TMEM164: variants seen among roughly 807,000 people sequenced by gnomAD.
TMEM164 encodes the protein transmembrane protein 164.
A neutral mutation model predicts 18.8 loss-of-function variants in TMEM164; 4 were observed. The observed-to-expected ratio is 0.21, with a 90% CI of 0.10 to 0.49. The LOEUF (loss-of-function observed/expected upper bound fraction) is 0.49. TMEM164 is among the 20% of genes least tolerant of loss of function. TMEM164 has a pLI of 0.98. For missense variants in TMEM164, 108 were observed against 239.9 expected (o/e 0.45, Z 3.63); for synonymous variants, 86 against 101.7 (o/e 0.85, Z 0.93).
intron 3 of TMEM164, among the ~76,000 whole-genome samples, chrX:110,107,615 T>C (rs1464321128): frequency 9.1e-6 from 1 of 109,939 alleles, no homozygotes; most frequent in Non-Finnish European, 1.9e-5. Flanking sequence ...CATCTTTCAG[T>C]CTGTCTCCCT....
intron 4 of TMEM164, among the ~76,000 whole-genome samples, chrX:110,142,763 C>T (rs1179831948): frequency 2.6e-5 from 3 of 113,488 alleles, no homozygotes; most frequent in Admixed American, 9.2e-5. Context: ...GGCCACAGAG[C>T]TACCGAGCAG....
At position 110,052,540 on chromosome X, in the gene TMEM164, A is replaced by G. The variant is rs779103116; in HGVS notation, c.391-14807A>G. On this transcript the variant is annotated intron_variant, in intron 2 of 6. Transcript: ENST00000372068. Reference sequence around the variant, plus strand: ...TGGAGACATCTTGTTTCATTTATTCATTCAGCAAGTACCTGATGAGCATCT... The same window carrying G: ...TGGAGACATCTTGTTTCATTTATTCGTTCAGCAAGTACCTGATGAGCATCT... Among the ~76,000 whole-genome samples the G allele has an allele frequency of 4.2e-3, 469 of 111,509 alleles. 5 individuals carry two copies. The highest frequency in any genetic ancestry group is 0.014 in the African/African-American group (444 of 30,703).
At chrX:110,078,960 C>T (rs1007672805) in intron 3 of TMEM164, among the ~76,000 whole-genome samples, 13 of 112,121 alleles carry the variant, frequency 1.2e-4, no homozygotes, top group African/African-American at 3.9e-4. Flanking sequence ...CCGTGAACGT[C>T]AATTTAATTC....
chrX:110,134,234 C>G (rs1317828076), intron 4 of TMEM164, among the ~76,000 whole-genome samples: 2 of 111,106 alleles, frequency 1.8e-5, no homozygotes, highest in African/African-American at 6.6e-5. Flanking sequence ...TCAGGAGTAG[C>G]CCTGATAGGG....
At chrX:110,153,558 C>G (rs1266844451) in intron 5 of TMEM164, among the ~76,000 whole-genome samples, 1 of 111,630 alleles carries the variant, frequency 9.0e-6, no homozygotes, top group African/African-American at 3.3e-5. Flanking sequence ...ACAGTCATCT[C>G]TCGGTATCCA....
chrX:110,137,370 A>T (rs1477935755), intron 4 of TMEM164, among the ~76,000 whole-genome samples: 1 of 111,537 alleles, frequency 9.0e-6, no homozygotes, highest in Admixed American at 9.5e-5. Flanking sequence ...CCTGTGAGTC[A>T]TCTTCAACTT....
chrX:110,123,462 C>T (rs2066480411), intron 4 of TMEM164, among the ~76,000 whole-genome samples: 1 of 111,466 alleles, frequency 9.0e-6, no homozygotes, highest in African/African-American at 3.3e-5. Context: ...ATGATAAGGC[C>T]CAGGGGGATT....
At chrX:110,004,451 C>T (rs994794401) in intron 2 of TMEM164, among the ~76,000 whole-genome samples, 3 of 111,018 alleles carry the variant, frequency 2.7e-5, no homozygotes, top group African/African-American at 9.8e-5. Context: ...CCCTGCCGTG[C>T]CCTGGGCTTT....
At chrX:110,074,654 G>A (rs1245329846) in intron 3 of TMEM164, among the ~76,000 whole-genome samples, 1 of 111,706 alleles carries the variant, frequency 9.0e-6, no homozygotes, top group Non-Finnish European at 1.9e-5. Context: ...AGGAAGGAGT[G>A]CAGTTTCATT....
rs776324539 is a variant in TMEM164 at position 110,079,342 on chromosome X, A to G, written c.440+11946A>G. Among the ~76,000 whole-genome samples, 3 of 111,992 alleles carry G rather than the reference A, an allele frequency of 2.7e-5. No individual in the cohort carries two copies. The South Asian group carries it at 1.1e-3, about 41-fold the overall frequency. On this transcript the variant is annotated intron_variant, in intron 3 of 6. Coordinates refer to ENST00000372068, the MANE Select transcript of TMEM164 (RefSeq NM_032227.4). The stretch of plus-strand genomic sequence containing the variant: ...AGGTGTTATTGTCCTTTGACTCTCG[A>G]AAAAATCAACAAGCAAAATGTGTTG...
chrX:110,017,444 T>TTCTTTCTTTTTTTCTTTCTTTCTTTCTC (rs1182465665), intron 2 of TMEM164, among the ~76,000 whole-genome samples: 1 of 43,016 alleles, frequency 2.3e-5, no homozygotes, highest in Non-Finnish European at 4.3e-5. Context: ...CTTTCTTTCT[T>TTCTTTCTTTTTTTCTTTCTTTCTTTCTC]TCTCTCTCTC....
At chrX:110,098,264 G>T (rs1000000065) in intron 3 of TMEM164, among the ~76,000 whole-genome samples, 1 of 111,415 alleles carries the variant, frequency 9.0e-6, no homozygotes, top group Non-Finnish European at 1.9e-5. Context: ...TTTCTGAGTG[G>T]TTTTCCATGG....
chrX:110,058,749 C>G (rs1303181377), intron 2 of TMEM164, among the ~76,000 whole-genome samples: 7 of 106,029 alleles, frequency 6.6e-5, no homozygotes, highest in African/African-American at 2.1e-4. Context: ...TCCCAAGTAG[C>G]TGGGATTACA....
intron 2 of TMEM164, among the ~76,000 whole-genome samples, chrX:110,029,619 T>C (rs1201778287): frequency 8.9e-6 from 1 of 112,229 alleles, no homozygotes; most frequent in Non-Finnish European, 1.9e-5. Flanking sequence ...CCCCCTTTTA[T>C]TAGATTTTCG....
At chrX:110,095,946 C>T (rs1221496982) in intron 3 of TMEM164, among the ~76,000 whole-genome samples, 4 of 112,390 alleles carry the variant, frequency 3.6e-5, no homozygotes, top group Non-Finnish European at 7.5e-5. Flanking sequence ...GTTTGCTGGA[C>T]GTCCACTCCA....
chrX:110,100,921 T>A (rs907027808), intron 3 of TMEM164, among the ~76,000 whole-genome samples: 9 of 110,935 alleles, frequency 8.1e-5, no homozygotes, highest in African/African-American at 2.6e-4. Flanking sequence ...CTACTTTAGA[T>A]TTGCTAATAT....
chrX:110,049,949 A>G (rs1467539509), intron 2 of TMEM164, among the ~76,000 whole-genome samples: 2 of 111,670 alleles, frequency 1.8e-5, no homozygotes, highest in African/African-American at 6.5e-5. Flanking sequence ...GCTAAACTCA[A>G]AGGCCTTTGA....
chrX:110,040,369 C>T (rs994047648), intron 2 of TMEM164, among the ~76,000 whole-genome samples: 5 of 111,346 alleles, frequency 4.5e-5, no homozygotes, highest in Non-Finnish European at 7.5e-5. Flanking sequence ...TTTAGTAGAA[C>T]GACTGGGTAT....
intron 4 of TMEM164, among the ~76,000 whole-genome samples, chrX:110,133,107 G>A (rs890505599): frequency 9.0e-6 from 1 of 111,550 alleles, no homozygotes; most frequent in Non-Finnish European, 1.9e-5. Flanking sequence ...TGTCTTTGTA[G>A]GGTTTTTTCC....
Sources: allele counts gnomAD v4.1 joint callset (sites outside exome capture counted in the v4.1 genomes callset), GRCh38; gene constraint gnomAD v4.1.1; transcripts MANE v1.5; gene names NCBI Gene and HGNC (gene_info 2026-07-23, HGNC 2026-07-21).